MID1: variants seen among roughly 807,000 people sequenced by gnomAD.
MID1 encodes midline 1, also known as E3 ubiquitin-protein ligase Midline-1.
In MID1, 7 loss-of-function variants were observed where a neutral mutation model predicts 40.4. The ratio of observed to expected loss-of-function variants is 0.17; its 90% CI spans 0.10 to 0.33. The LOEUF is 0.33. MID1 is among the 10% of genes least tolerant of loss of function. MID1 has a pLI of 1.00. For synonymous variants in MID1, 229 were observed against 221.2 expected (o/e 1.04, Z -0.31); for missense variants, 367 against 558.5 (o/e 0.66, Z 3.46).
intron 1 of MID1, among the ~76,000 whole-genome samples, chrX:10,736,529 A>G (rs765699646): frequency 8.9e-6 from 1 of 111,891 alleles, no homozygotes; most frequent in South Asian, 3.8e-4. Context: ...TGATGAGGGG[A>G]GTGTTATTTT....
At chrX:10,739,141 T>A (rs112361778) in intron 1 of MID1, among the ~76,000 whole-genome samples, 4,049 of 111,298 alleles carry the variant, frequency 0.036, 156 homozygotes, top group African/African-American at 0.12. Context: ...GAGAAGCGGG[T>A]CAATTGGTTG....
At chrX:10,720,532 C>A (rs1291934488) in intron 1 of MID1, among the ~76,000 whole-genome samples, 7 of 111,381 alleles carry the variant, frequency 6.3e-5, no homozygotes, top group East Asian at 5.7e-4. Context: ...GGCGATCATT[C>A]AAAAGTCAGG....
chrX:10,782,081 T>C (rs2043850677), intron 1 of MID1, among the ~76,000 whole-genome samples: 1 of 112,412 alleles, frequency 8.9e-6, no homozygotes, highest in African/African-American at 3.2e-5. Context: ...GCCTCAGGGA[T>C]AACAAAAGAA....
intron 1 of MID1, among the ~76,000 whole-genome samples, chrX:10,597,271 T>C (rs1935430878): frequency 9.0e-6 from 1 of 111,659 alleles, no homozygotes; most frequent in Non-Finnish European, 1.9e-5. Context: ...GATCAGACTT[T>C]ACGTTTTGTT....
intron 1 of MID1, among the ~76,000 whole-genome samples, chrX:10,774,857 T>G (rs1389083335): frequency 9.0e-6 from 1 of 111,505 alleles, no homozygotes; most frequent in Admixed American, 9.6e-5. Flanking sequence ...GTTTTCAAGA[T>G]TGGCGTTCTT....
chrX:10,544,267 A>G (rs1263283422), intron 2 of MID1, among the ~76,000 whole-genome samples: 1 of 111,000 alleles, frequency 9.0e-6, no homozygotes, highest in East Asian at 2.8e-4. Flanking sequence ...CACTGGTTTA[A>G]CAGATTGAGA....
At chrX:10,674,757 C>T (rs1453436255) in intron 1 of MID1, among the ~76,000 whole-genome samples, 1 of 111,862 alleles carries the variant, frequency 8.9e-6, no homozygotes, top group East Asian at 2.8e-4. Context: ...AAATTGACTG[C>T]CAGCATTCCG....
intron 1 of MID1, among the ~76,000 whole-genome samples, chrX:10,711,455 T>C (rs1801131189): frequency 8.9e-6 from 1 of 112,055 alleles, no homozygotes; most frequent in African/African-American, 3.2e-5. Context: ...ATAAAACACA[T>C]TGAGGTGTAT....
chrX:10,567,655 G>T, intron 1 of MID1, 52 bp from the exon 2 acceptor site: 1 of 885,068 alleles, frequency 1.1e-6, no homozygotes, highest in South Asian at 2.1e-5. Context: ...CAACCATAGG[G>T]GGGTGTCAGC....
At chrX:10,485,480 A>G (rs1174241743) in intron 4 of MID1, among the ~76,000 whole-genome samples, 4 of 112,300 alleles carry the variant, frequency 3.6e-5, no homozygotes, top group African/African-American at 1.3e-4. Flanking sequence ...TGCAAGGGAA[A>G]TATTTTCCAG....
intron 1 of MID1, among the ~76,000 whole-genome samples, chrX:10,750,355 G>C (rs2043589014): frequency 9.0e-6 from 1 of 111,636 alleles, no homozygotes; most frequent in African/African-American, 3.3e-5. Flanking sequence ...GGCCATCCCA[G>C]GCATGGTGGC....
At position 10,476,582 on chromosome X, in the gene MID1, C is replaced by T. The variant is rs1372490762; in HGVS notation, c.1014-1832G>A. Among the ~76,000 whole-genome samples the T allele has an allele frequency of 3.6e-5, 4 of 111,625 alleles. No homozygotes were observed. The Admixed American group carries it at 3.8e-4, about 11-fold the overall frequency. On this transcript the variant is annotated intron_variant, in intron 5 of 9. Transcript: ENST00000317552. ...ACAGTTTCTATAGTTGTATTTCTGG[C>T]AGATTTTCAGTGTTGTACAGGAGGG...
intron 2 of MID1, among the ~76,000 whole-genome samples, chrX:10,549,066 T>C (rs1933807571): frequency 9.0e-6 from 1 of 111,650 alleles, no homozygotes; most frequent in African/African-American, 3.3e-5. Context: ...GCTGAAAAAA[T>C]TTCTTGGATA....
chrX:10,712,135 G>A (rs978545557), intron 1 of MID1, among the ~76,000 whole-genome samples: 6 of 111,917 alleles, frequency 5.4e-5, no homozygotes, highest in Non-Finnish European at 1.1e-4. Context: ...AGTCTGACAT[G>A]AGTAGGGAAG....
upstream of MID1, among the ~76,000 whole-genome samples, chrX:10,625,423 C>A (rs769680319): frequency 8.9e-6 from 1 of 112,474 alleles, no homozygotes; most frequent in South Asian, 3.7e-4. Flanking sequence ...ACACATAAAC[C>A]GTCACAAGGC....
intron 1 of MID1, among the ~76,000 whole-genome samples, chrX:10,597,214 G>A (rs1388765614): frequency 9.0e-6 from 1 of 111,683 alleles, no homozygotes; most frequent in East Asian, 2.8e-4. Context: ...ACATTCCACA[G>A]GTTGATCTTT....
At chrX:10,590,898 CTTAT>C (rs1308404705) in intron 1 of MID1, among the ~76,000 whole-genome samples, 1 of 111,837 alleles carries the variant, frequency 8.9e-6, no homozygotes, top group Non-Finnish European at 1.9e-5. Context: ...TGCTTTGCAT[CTTAT>C]TTGTTTATTT....
In MID1 at chrX:10,445,589, C is replaced by T. The variant is rs960474842; in HGVS notation, c.*3779G>A. 7.2e-5 allele frequency: 8 copies of T among 111,439 alleles called. No individual in the cohort carries two copies. The highest frequency in any genetic ancestry group is 1.5e-4 in the Non-Finnish European group (8 of 53,074). 9.2% of individuals were successfully genotyped at this position (111,439 alleles called of 1,213,427 possible). A position where few individuals can be genotyped will look rare whatever the true frequency, so the allele number is the denominator to read the frequency against. ...CCACAAAAATGATTTTATTTTGAAC[C>T]AGAAAGGAACAGCAATCAAGACAAT... On this transcript the variant is annotated 3_prime_UTR_variant, in exon 10 of 10. Transcript: ENST00000317552.
chrX:10,783,268 T>G (rs968397293), intron 1 of MID1, among the ~76,000 whole-genome samples: 5 of 111,444 alleles, frequency 4.5e-5, no homozygotes, highest in Admixed American at 1.9e-4. Context: ...CTAGGAATAT[T>G]TGTTCTCCAA....
Sources: allele counts gnomAD v4.1 joint callset (sites outside exome capture counted in the v4.1 genomes callset), GRCh38; gene constraint gnomAD v4.1.1; transcripts MANE v1.5; gene names NCBI Gene and HGNC (gene_info 2026-07-23, HGNC 2026-07-21).